GALNT13: variants seen among roughly 807,000 people sequenced by gnomAD.
The protein encoded by GALNT13 is UDP-GalNAc:polypeptide N-acetylgalactosaminyltransferase 13.
Under a neutral mutation model 64.2 loss-of-function variants are expected in GALNT13, and 28 were observed. The ratio of observed to expected loss-of-function variants is 0.44; its 90% CI spans 0.32 to 0.60. The LOEUF (loss-of-function observed/expected upper bound fraction) is 0.60. GALNT13 is among the 20% of genes least tolerant of loss of function. The probability of loss-of-function intolerance (pLI) is 0.05; values close to 1 mark genes in which losing one functional copy is unlikely to be tolerated. For missense variants in GALNT13, 577 were observed against 669.8 expected (o/e 0.86, Z 1.53); for synonymous variants, 214 against 224.6 (o/e 0.95, Z 0.42).
intron 3 of GALNT13, among the ~76,000 whole-genome samples, chr2:154,075,046 C>T (rs1182992776): frequency 6.6e-6 from 1 of 151,768 alleles, no homozygotes; most frequent in Non-Finnish European, 1.5e-5. Flanking sequence ...GAGATCCTAG[C>T]CACAACAATC....
the GALNT13 span, among the ~76,000 whole-genome samples, chr2:153,135,316 G>C: frequency 6.6e-6 from 1 of 152,134 alleles, no homozygotes; most frequent in Non-Finnish European, 1.5e-5. Context: ...ACATGAATCT[G>C]GGTGTCGGGG....
At chr2:153,669,554 G>GTT in the GALNT13 span, among the ~76,000 whole-genome samples, 1 of 152,186 alleles carries the variant, frequency 6.6e-6, no homozygotes, top group South Asian at 2.1e-4. Flanking sequence ...AAGACTAGCA[G>GTT]TTGCTTCCAA....
the GALNT13 span, among the ~76,000 whole-genome samples, chr2:153,628,624 T>C: frequency 4.6e-5 from 7 of 152,198 alleles, no homozygotes; most frequent in African/African-American, 7.2e-5. Flanking sequence ...TTGTCTTTGG[T>C]TCTGTTCATA....
chr2:153,074,981 C>G, the GALNT13 span, among the ~76,000 whole-genome samples: 88 of 152,306 alleles, frequency 5.8e-4, no homozygotes, highest in Middle Eastern at 3.4e-3. Flanking sequence ...GATCTTTCCA[C>G]CTTGGCCTCC....
At chr2:153,535,505 A>C in the GALNT13 span, among the ~76,000 whole-genome samples, 1 of 151,992 alleles carries the variant, frequency 6.6e-6, no homozygotes, top group African/African-American at 2.4e-5. Flanking sequence ...GACTAGACAG[A>C]AGATAGTAGG....
At chr2:153,532,511 A>G in the GALNT13 span, among the ~76,000 whole-genome samples, 2 of 152,102 alleles carry the variant, frequency 1.3e-5, no homozygotes, top group African/African-American at 2.4e-5. Context: ...CATTGTCTTG[A>G]CTATTAGTAA....
the GALNT13 span, among the ~76,000 whole-genome samples, chr2:153,388,031 G>A: frequency 3.4e-5 from 5 of 145,996 alleles, no homozygotes; most frequent in Admixed American, 7.0e-5. Context: ...AGGAGGGGGA[G>A]AAGGAAGAGA....
chr2:154,045,507 CCCTTG>C, intron 3 of GALNT13, among the ~76,000 whole-genome samples: 1 of 152,164 alleles, frequency 6.6e-6, no homozygotes, highest in Admixed American at 6.6e-5. Flanking sequence ...TCCTTTGTGA[CCCTTG>C]CTTCAGTCAT....
intron 3 of GALNT13, among the ~76,000 whole-genome samples, chr2:153,965,284 C>T (rs1398810822): frequency 6.6e-6 from 1 of 152,068 alleles, no homozygotes; most frequent in Non-Finnish European, 1.5e-5. Context: ...TACTACCAAA[C>T]ACTATTCCTT....
At chr2:154,372,369 C>T (rs748831481) in intron 9 of GALNT13, among the ~76,000 whole-genome samples, 16 of 152,018 alleles carry the variant, frequency 1.1e-4, no homozygotes, top group South Asian at 2.1e-4. Context: ...TTGATTTGTG[C>T]GGCTGCAAAT....
At chr2:153,506,118 T>C in the GALNT13 span, among the ~76,000 whole-genome samples, 1 of 152,170 alleles carries the variant, frequency 6.6e-6, no homozygotes, top group East Asian at 1.9e-4. Context: ...TGTCTTTTTT[T>C]ATTCCTGCTG....
At chr2:153,468,533 C>T in the GALNT13 span, among the ~76,000 whole-genome samples, 1 of 152,008 alleles carries the variant, frequency 6.6e-6, no homozygotes, top group Non-Finnish European at 1.5e-5. Flanking sequence ...TCACATTCTC[C>T]TTTGAAATGG....
At chr2:153,313,087 T>C in the GALNT13 span, among the ~76,000 whole-genome samples, 1 of 152,122 alleles carries the variant, frequency 6.6e-6, no homozygotes, top group Non-Finnish European at 1.5e-5. Flanking sequence ...TTATACACTG[T>C]TGGGAGTGTA....
the GALNT13 span, among the ~76,000 whole-genome samples, chr2:153,801,349 T>G: frequency 4.6e-3 from 706 of 152,128 alleles, 7 homozygotes; most frequent in Admixed American, 0.013. Flanking sequence ...TTTTCTATGC[T>G]TAATCATTTC....
the GALNT13 span, among the ~76,000 whole-genome samples, chr2:153,838,675 T>G: frequency 6.6e-6 from 1 of 151,940 alleles, no homozygotes; most frequent in Non-Finnish European, 1.5e-5. Context: ...CTTTATAAAA[T>G]ACTTTAAAAT....
intron 8 of GALNT13, among the ~76,000 whole-genome samples, chr2:154,265,629 G>A (rs1172281579): frequency 6.6e-6 from 1 of 152,108 alleles, no homozygotes; most frequent in Non-Finnish European, 1.5e-5. Flanking sequence ...AACCCAAGAG[G>A]GAGAGGTTGC....
the GALNT13 span, among the ~76,000 whole-genome samples, chr2:153,648,758 T>C: frequency 7.4e-6 from 1 of 135,778 alleles, no homozygotes; most frequent in Non-Finnish European, 1.6e-5. Context: ...GTTTATATGC[T>C]GGATTACGTT....
At position 154,383,919 on chromosome 2, in the gene GALNT13, G is replaced by A. The variant is rs1340362141; in HGVS notation, c.1157-12072G>A. Among the ~76,000 whole-genome samples the A allele has an allele frequency of 2.0e-5, 3 of 151,824 alleles. No homozygotes were observed. In the East Asian group the frequency reaches 5.8e-4, roughly 29 times the overall value. On this transcript the variant is annotated intron_variant, in intron 9 of 12. Transcript: ENST00000392825. The stretch of plus-strand genomic sequence containing the variant: ...CATACATATATATGTGTGTCAGAGA[G>A]AGAGAGAGAATAAGACAGAAGAGAG...
intron 9 of GALNT13, among the ~76,000 whole-genome samples, chr2:154,354,827 T>G (rs749628636): frequency 2.1e-4 from 32 of 152,088 alleles, no homozygotes; most frequent in Non-Finnish European, 3.5e-4. Context: ...AATTATAATT[T>G]GTAACCTTAG....
Sources: gnomAD v4.1 joint callset for allele counts (sites outside exome capture counted in the v4.1 genomes callset) on GRCh38, gnomAD v4.1.1 for gene constraint, MANE v1.5 for transcripts, NCBI Gene and HGNC (gene_info 2026-07-23, HGNC 2026-07-21) for gene names.